The following LINGO2 variants were observed in gnomAD, a reference collection of about 807,000 sequenced individuals.
The protein encoded by LINGO2 is leucine rich repeat and Ig domain containing 2, also known as leucine-rich repeat and immunoglobulin-like domain-containing nogo receptor-interacting protein 2.
LINGO2 carries 14 observed loss-of-function variants against 30.6 expected under a neutral mutation model. That is an observed-to-expected ratio of 0.46 (90% CI 0.30 to 0.72). The LOEUF is 0.72. Among genes scored for constraint, LINGO2 ranks in the 30% least tolerant of loss-of-function variants. The probability of loss-of-function intolerance (pLI) is 0.07; values close to 1 mark genes in which losing one functional copy is unlikely to be tolerated. For synonymous variants in LINGO2, 317 were observed against 288.5 expected, an observed-to-expected ratio of 1.10 and a Z score of -1.00; for missense variants, 729 against 751.7, an observed-to-expected ratio of 0.97 and a Z score of 0.35.
chr9:28,647,881 T>TTTTC (rs1161540376), intron 1 of LINGO2, among the ~76,000 whole-genome samples: 1 of 113,238 alleles, frequency 8.8e-6, no homozygotes, highest in Non-Finnish European at 1.8e-5. Context: ...TGATATTTCT[T>TTTTC]TTTCTTTCTT....
At chr9:28,598,674 T>C in intron 1 of LINGO2, 1 of 152,346 alleles carries the variant, frequency 6.6e-6, no homozygotes, top group Non-Finnish European at 1.5e-5. Flanking sequence ...ATCCTCATCC[T>C]TTTCCAGATG....
At chr9:28,583,699 A>C (rs10283578) in intron 1 of LINGO2, among the ~76,000 whole-genome samples, 89,083 of 151,842 alleles carry the variant, frequency 0.59, 26,529 homozygotes, top group East Asian at 0.69. Flanking sequence ...ATGATTAAGC[A>C]AAATATGAAT....
At chr9:29,115,002 C>T in the LINGO2 span, among the ~76,000 whole-genome samples, 3 of 152,026 alleles carry the variant, frequency 2.0e-5, no homozygotes, top group Non-Finnish European at 4.4e-5. Flanking sequence ...TTCCGACAAA[C>T]TTTATGAAGT....
At chr9:28,336,744 T>A (rs1283628312) in intron 3 of LINGO2, among the ~76,000 whole-genome samples, 1 of 152,124 alleles carries the variant, frequency 6.6e-6, no homozygotes, top group East Asian at 1.9e-4. Flanking sequence ...TTTAGAAGCA[T>A]GGTTGTGATA....
At chr9:28,243,697 C>CA (rs1564070303) in intron 4 of LINGO2, among the ~76,000 whole-genome samples, 1 of 151,122 alleles carries the variant, frequency 6.6e-6, no homozygotes, top group Non-Finnish European at 1.5e-5. Context: ...GACTTTAAAC[C>CA]AAAAAAGATT....
chr9:29,119,735 T>C, the LINGO2 span, among the ~76,000 whole-genome samples: 1 of 151,704 alleles, frequency 6.6e-6, no homozygotes. Flanking sequence ...ACAGGTACTC[T>C]ACCTGTAATT....
intron 4 of LINGO2, among the ~76,000 whole-genome samples, chr9:28,166,897 G>A (rs1587124371): frequency 6.6e-6 from 1 of 152,008 alleles, no homozygotes; most frequent in African/African-American, 2.4e-5. Context: ...ACCTACTAAA[G>A]TATGACTCTT....
At chr9:27,942,843 G>A in the LINGO2 span, 1 of 151,926 alleles carries the variant, frequency 6.6e-6, no homozygotes, top group Non-Finnish European at 1.5e-5. Flanking sequence ...AATTAATTAT[G>A]ATTTGGGGTA....
At chr9:28,934,078 A>G in the LINGO2 span, among the ~76,000 whole-genome samples, 2 of 152,216 alleles carry the variant, frequency 1.3e-5, no homozygotes, top group African/African-American at 2.4e-5. Context: ...TTCCTGGCCA[A>G]TGTAACGACT....
chr9:27,988,209 A>G (rs1196946211), intron 5 of LINGO2, among the ~76,000 whole-genome samples: 2 of 152,210 alleles, frequency 1.3e-5, no homozygotes, highest in East Asian at 3.9e-4. Context: ...ATAGTATTCC[A>G]TGGTGTATAT....
chr9:28,310,280 A>G (rs1824560969), intron 3 of LINGO2, among the ~76,000 whole-genome samples: 1 of 152,152 alleles, frequency 6.6e-6, no homozygotes, highest in East Asian at 1.9e-4. Flanking sequence ...AAAGCTGAAA[A>G]CTACTCAAAC....
chr9:28,835,778 C>T, the LINGO2 span, among the ~76,000 whole-genome samples: 2 of 152,148 alleles, frequency 1.3e-5, no homozygotes, highest in African/African-American at 4.8e-5. Flanking sequence ...GCTAATACCT[C>T]AAGGTCTAAC....
chr9:29,066,644 T>A, the LINGO2 span, among the ~76,000 whole-genome samples: 1 of 151,928 alleles, frequency 6.6e-6, no homozygotes, highest in East Asian at 1.9e-4. Flanking sequence ...TACAAGCATC[T>A]AGTTAATACT....
chr9:28,370,739 A>T (rs547518461), intron 3 of LINGO2, among the ~76,000 whole-genome samples: 1 of 152,328 alleles, frequency 6.6e-6, no homozygotes, highest in East Asian at 1.9e-4. Context: ...TATCCTCCAT[A>T]CCAACCACCA....
chr9:28,051,997 ATC>A (rs1159262666), intron 4 of LINGO2, among the ~76,000 whole-genome samples: 5 of 151,972 alleles, frequency 3.3e-5, no homozygotes, highest in African/African-American at 1.2e-4. Flanking sequence ...ACTGTCCTAG[ATC>A]TCTCATTATA....
the LINGO2 span, among the ~76,000 whole-genome samples, chr9:29,188,037 T>TTTTTTTA: frequency 3.2e-5 from 4 of 123,688 alleles, no homozygotes; most frequent in Non-Finnish European, 3.5e-5. Flanking sequence ...TTTTTTTTTT[T>TTTTTTTA]ATTGATCATT....
chr9:28,753,397 T>C, the LINGO2 span, among the ~76,000 whole-genome samples: 1 of 152,178 alleles, frequency 6.6e-6, no homozygotes, highest in South Asian at 2.1e-4. Flanking sequence ...AATCCTAATA[T>C]AAGGCTGCAA....
chr9:28,949,258 A>G, the LINGO2 span, among the ~76,000 whole-genome samples: 10 of 152,292 alleles, frequency 6.6e-5, 1 homozygote, highest in South Asian at 2.1e-3. Flanking sequence ...AACTAAGATC[A>G]GACCAGAACT....
chr9:28,011,826 C>T (rs1822569923), intron 5 of LINGO2, among the ~76,000 whole-genome samples: 1 of 152,144 alleles, frequency 6.6e-6, no homozygotes, highest in Non-Finnish European at 1.5e-5. Context: ...GAGGGAGATG[C>T]CTCCTGTGGT....
Sources: allele counts gnomAD v4.1 joint callset (sites outside exome capture counted in the v4.1 genomes callset), GRCh38; gene constraint gnomAD v4.1.1; transcripts MANE v1.5; gene names NCBI Gene and HGNC (gene_info 2026-07-23, HGNC 2026-07-21).